Variants in SMYD3 observed in about 807,000 individuals in gnomAD.
The protein encoded by SMYD3 is SET and MYND domain containing 3, also known as histone-lysine N-methyltransferase SMYD3.
A neutral mutation model predicts 57.7 loss-of-function variants in SMYD3; 36 were observed. That is an observed-to-expected ratio of 0.62 (90% CI 0.48 to 0.82). The LOEUF (loss-of-function observed/expected upper bound fraction) is 0.82, where lower values mean the gene tolerates loss of function less well. Ranked by LOEUF, SMYD3 falls within the 40% of genes least tolerant of loss-of-function variation. SMYD3 has a pLI of 0.00. For missense variants in SMYD3, 515 were observed against 538.8 expected (o/e 0.96, Z 0.44); for synonymous variants, 211 against 195.0 (o/e 1.08, Z -0.68).
intron 1 of SMYD3, among the ~76,000 whole-genome samples, chr1:246,393,491 A>G (rs956471859): frequency 2.0e-5 from 3 of 152,198 alleles, no homozygotes; most frequent in Middle Eastern, 3.4e-3. Context: ...TACTGATGTA[A>G]TATTTCTCAA....
chr1:246,077,494 C>A (rs1217943239), intron 5 of SMYD3, among the ~76,000 whole-genome samples: 1 of 151,238 alleles, frequency 6.6e-6, no homozygotes, highest in Admixed American at 6.6e-5. Flanking sequence ...TTCAAGCTCC[C>A]AGACTACATA....
intron 1 of SMYD3, among the ~76,000 whole-genome samples, chr1:246,473,328 G>A (rs1160420097): frequency 6.6e-6 from 1 of 152,106 alleles, no homozygotes; most frequent in Non-Finnish European, 1.5e-5. Flanking sequence ...GAGTAAACCT[G>A]ATTTATTATG....
rs35360464 is a variant in SMYD3, at chr1:246,276,380, G to A, written c.531+50821C>T. Reference sequence around the variant, plus strand: ...TTCACTACCCGTATTAACACTGGCAGGTTATTTAATGTTTCTAGTGGAGTC... The same window carrying A: ...TTCACTACCCGTATTAACACTGGCAAGTTATTTAATGTTTCTAGTGGAGTC... On this transcript the variant is annotated intron_variant, in intron 5 of 11. Transcript: ENST00000490107. 1.4e-4 allele frequency among the ~76,000 whole-genome samples: 16 copies of A among 114,878 alleles called. 1 individual carries two copies. The highest frequency in any genetic ancestry group is 1.0e-3 in the East Asian group (2 of 1,990). 75.4% of individuals were successfully genotyped at this position (114,878 alleles called of 152,430 possible).
At chr1:246,342,218 A>T (rs536913376) in intron 2 of SMYD3, among the ~76,000 whole-genome samples, 2 of 152,288 alleles carry the variant, frequency 1.3e-5, no homozygotes, top group African/African-American at 4.8e-5. Flanking sequence ...ATATTAACTA[A>T]ACATCTTCTA....
intron 1 of SMYD3, among the ~76,000 whole-genome samples, chr1:246,441,224 A>T (rs899562058): frequency 6.6e-6 from 1 of 152,204 alleles, no homozygotes; most frequent in Non-Finnish European, 1.5e-5. Flanking sequence ...ACGCTGAGCC[A>T]GTTCTTTCTT....
chr1:245,910,890 T>G (rs1228446881), intron 8 of SMYD3, among the ~76,000 whole-genome samples: 2 of 151,570 alleles, frequency 1.3e-5, no homozygotes, highest in Non-Finnish European at 2.9e-5. Flanking sequence ...AAAGCAAATA[T>G]AGAAACATGA....
At chr1:245,882,568 A>G (rs903334042) in intron 8 of SMYD3, among the ~76,000 whole-genome samples, 4 of 152,192 alleles carry the variant, frequency 2.6e-5, no homozygotes, top group African/African-American at 9.7e-5. Flanking sequence ...ACTAGCAATG[A>G]AGTCTCTCAG....
At chr1:246,081,238 G>A (rs2060632875) in intron 5 of SMYD3, among the ~76,000 whole-genome samples, 1 of 152,146 alleles carries the variant, frequency 6.6e-6, no homozygotes, top group Non-Finnish European at 1.5e-5. Flanking sequence ...CCTAAGAGCT[G>A]AAAGACTTCT....
At chr1:246,403,774 T>C (rs2066813943) in intron 1 of SMYD3, among the ~76,000 whole-genome samples, 2 of 152,228 alleles carry the variant, frequency 1.3e-5, no homozygotes, top group South Asian at 4.1e-4. Flanking sequence ...GAAAATGTAA[T>C]GCTGAGCATT....
intron 8 of SMYD3, 46 bp from the exon 9 acceptor site, chr1:245,863,932 G>T: frequency 6.4e-7 from 1 of 1,564,982 alleles, no homozygotes; most frequent in Non-Finnish European, 8.8e-7. Flanking sequence ...TTAGTAATAG[G>T]CAAAGGACGT....
chr1:246,213,940 C>T (rs1401798651), intron 5 of SMYD3, among the ~76,000 whole-genome samples: 8 of 152,170 alleles, frequency 5.3e-5, no homozygotes, highest in African/African-American at 1.7e-4. Context: ...CTATCAAGAG[C>T]TCTGCAGAGC....
chr1:245,870,329 C>A (rs1422906460), intron 8 of SMYD3, among the ~76,000 whole-genome samples: 1 of 152,130 alleles, frequency 6.6e-6, no homozygotes, highest in Admixed American at 6.5e-5. Flanking sequence ...TCATTTAGAG[C>A]CTAAGTGTGA....
At chr1:246,283,587 T>C (rs945031661) in intron 5 of SMYD3, among the ~76,000 whole-genome samples, 2 of 152,226 alleles carry the variant, frequency 1.3e-5, no homozygotes, top group African/African-American at 4.8e-5. Context: ...GTATGTTTAA[T>C]TACAGTAACT....
chr1:246,368,063 C>T (rs375230481), intron 1 of SMYD3, among the ~76,000 whole-genome samples: 1 of 152,078 alleles, frequency 6.6e-6, no homozygotes, highest in South Asian at 2.1e-4. Context: ...TAGGCTGGGC[C>T]ATAATTAGTT....
At chr1:246,396,592 T>C (rs999109049) in intron 1 of SMYD3, among the ~76,000 whole-genome samples, 2 of 151,168 alleles carry the variant, frequency 1.3e-5, no homozygotes, top group Admixed American at 6.6e-5. Context: ...CTCAATGATA[T>C]GGTTTGGCTC....
chr1:246,260,745 G>GA (rs1181867938), intron 5 of SMYD3, among the ~76,000 whole-genome samples: 1 of 151,710 alleles, frequency 6.6e-6, no homozygotes, highest in East Asian at 2.0e-4. Flanking sequence ...TTTCCTTCTT[G>GA]AAAAAAAGCT....
intron 5 of SMYD3, among the ~76,000 whole-genome samples, chr1:245,942,453 A>G (rs775497558): frequency 2.0e-5 from 3 of 152,250 alleles, no homozygotes; most frequent in African/African-American, 7.2e-5. Context: ...ATATGCACCC[A>G]ATACAGGAGC....
intron 1 of SMYD3, among the ~76,000 whole-genome samples, chr1:246,455,555 A>T (rs1378654775): frequency 6.6e-6 from 1 of 152,234 alleles, no homozygotes; most frequent in African/African-American, 2.4e-5. Context: ...TGAGCCTCCA[A>T]ATGCTATAGA....
chr1:245,873,983 C>G (rs998520786), intron 8 of SMYD3, among the ~76,000 whole-genome samples: 1 of 152,332 alleles, frequency 6.6e-6, no homozygotes, highest in South Asian at 2.1e-4. Flanking sequence ...TCCTTCCACT[C>G]CATTAGTCGC....
Sources: gnomAD v4.1 joint callset for allele counts (sites outside exome capture counted in the v4.1 genomes callset) on GRCh38, gnomAD v4.1.1 for gene constraint, MANE v1.5 for transcripts, NCBI Gene and HGNC (gene_info 2026-07-23, HGNC 2026-07-21) for gene names.